Variants in BARX2 observed in about 807,000 individuals in gnomAD.
BARX2 encodes the protein BARX homeobox 2.
BARX2 carries 11 observed loss-of-function variants against 25.5 expected under a neutral mutation model. That is an observed-to-expected ratio of 0.43 (90% CI 0.27 to 0.71). The LOEUF (loss-of-function observed/expected upper bound fraction) is 0.71, where lower values mean the gene tolerates loss of function less well. Ranked by LOEUF, BARX2 falls within the 30% of genes least tolerant of loss-of-function variation. The pLI, the probability that BARX2 is intolerant of heterozygous loss-of-function variation, is 0.19. For synonymous variants in BARX2, 137 were observed against 149.5 expected, an observed-to-expected ratio of 0.92 and a Z score of 0.61; for missense variants, 360 against 359.9, an observed-to-expected ratio of 1.00 and a Z score of 0.00.
At chr11:129,434,798 T>G (rs1862170374) in intron 1 of BARX2, among the ~76,000 whole-genome samples, 1 of 152,196 alleles carries the variant, frequency 6.6e-6, no homozygotes, top group African/African-American at 2.4e-5. Context: ...TGTTTTATAC[T>G]CCCACCAACA....
Position 129,451,578 on chromosome 11 carries a change from ACTTG to A in BARX2, c.*181_*184del, listed in dbSNP as rs1862402288. The stretch of plus-strand genomic sequence containing the variant: ...TTGTCATCGCAAGCATTTGACAAAG[ACTTG>A]CTTGTCTTGGGCCTGTCACCTCCTG... On this transcript the variant is annotated 3_prime_UTR_variant, in exon 4 of 4. Coordinates refer to ENST00000281437, the MANE Select transcript of BARX2 (RefSeq NM_003658.5). 1 of 770,756 alleles carries A rather than the reference ACTTG, an allele frequency of 1.3e-6. No homozygotes were observed. Among genetic ancestry groups the A allele is most frequent in the Admixed American group, 3.0e-5 (1 of 33,748 alleles). 47.7% of individuals were successfully genotyped at this position (770,756 alleles called of 1,614,324 possible). A position where few individuals can be genotyped will look rare whatever the true frequency, so the allele number is the denominator to read the frequency against.
At position 129,376,513 on chromosome 11, in the gene BARX2, A is replaced by C. The variant is rs947463694; in HGVS notation, c.187+291A>C. On this transcript the variant is annotated intron_variant, in intron 1 of 3. Transcript: ENST00000281437. This position sits in a 1 kb window ranked among gnomAD's most constrained non-coding sequence, Gnocchi z 4.2. ...GAACGCTTCCTCGTTTCCTGCTGAAAGTTCAAACACTTGAGCAGGTTCAGC... is the reference window on the plus strand; with the variant it reads ...GAACGCTTCCTCGTTTCCTGCTGAACGTTCAAACACTTGAGCAGGTTCAGC... 5.3e-5 allele frequency among the ~76,000 whole-genome samples: 8 copies of C among 152,218 alleles called. No homozygotes were observed. Among genetic ancestry groups the C allele is most frequent in the Non-Finnish European group, 1.2e-4 (8 of 68,046 alleles).
chr11:129,439,909 A>G (rs1862236279), intron 2 of BARX2, among the ~76,000 whole-genome samples: 1 of 135,646 alleles, frequency 7.4e-6, no homozygotes, highest in Non-Finnish European at 1.6e-5. Context: ...CAGAAGTCAG[A>G]GAATTTTTTT....
intron 1 of BARX2, among the ~76,000 whole-genome samples, chr11:129,405,421 A>G (rs1055042039): frequency 6.6e-6 from 1 of 152,182 alleles, no homozygotes; most frequent in African/African-American, 2.4e-5. Flanking sequence ...TCACATAGGC[A>G]TGGGGCTCCA....
chr11:129,397,636 G>A (rs147746533), intron 1 of BARX2, among the ~76,000 whole-genome samples: 1 of 152,216 alleles, frequency 6.6e-6, no homozygotes, highest in East Asian at 1.9e-4. Context: ...TGTGAAGACT[G>A]CACAGATGAT....
intron 1 of BARX2, among the ~76,000 whole-genome samples, chr11:129,418,579 T>C (rs969850432): frequency 1.6e-4 from 24 of 152,242 alleles, no homozygotes; most frequent in African/African-American, 5.3e-4. Flanking sequence ...TTTTTTAGTG[T>C]ATACATTTCT....
At chr11:129,448,297 A>G (rs1591451254) in intron 3 of BARX2, among the ~76,000 whole-genome samples, 1 of 152,230 alleles carries the variant, frequency 6.6e-6, no homozygotes, top group Non-Finnish European at 1.5e-5. Context: ...GGCTTCCTCA[A>G]AATTTAAAAA....
chr11:129,436,650 C>A lies in BARX2; in HGVS notation c.188-101C>A. The stretch of plus-strand genomic sequence containing the variant: ...ATCTGTACCTCCTTAAGAGCAGGGC[C>A]CTCCCTGTCAGACAGACCTCAGCCA... On this transcript the variant is annotated intron_variant, in intron 1 of 3. Transcript: ENST00000281437. The surrounding 1 kb of genome is among the most constrained non-coding windows in gnomAD (Gnocchi z 4.5). 1 of 1,307,600 alleles carries A rather than the reference C, an allele frequency of 7.6e-7. No homozygotes were observed. The highest frequency in any genetic ancestry group is 1.0e-6 in the Non-Finnish European group (1 of 955,916). 81.0% of individuals were successfully genotyped at this position (1,307,600 alleles called of 1,614,324 possible).
chr11:129,394,168 C>G (rs945542767), intron 1 of BARX2, among the ~76,000 whole-genome samples: 3 of 152,104 alleles, frequency 2.0e-5, no homozygotes, highest in Non-Finnish European at 4.4e-5. Flanking sequence ...TTGTGACTTG[C>G]TTTTTTCTCA....
chr11:129,383,494 T>A (rs1861588436), intron 1 of BARX2, among the ~76,000 whole-genome samples: 1 of 152,194 alleles, frequency 6.6e-6, no homozygotes, highest in Admixed American at 6.5e-5. Context: ...TCTGGTTTCT[T>A]GAGTGCCAGT....
Position 129,451,353 on chromosome 11 carries a change from C to T in BARX2, c.791C>T (p.Pro264Leu), listed in dbSNP as rs146199848. The T allele has an allele frequency of 6.9e-5, 112 of 1,614,118 alleles. No individual in the cohort carries two copies. In the African/African-American group the frequency reaches 1.0e-3, roughly 14 times the overall value. ...TTAGAGATGGCAGAGCCACCAGACCCGCCCCAGGAGTTGCCAATACCCTCT... is the reference window on the plus strand; with the variant it reads ...TTAGAGATGGCAGAGCCACCAGACCTGCCCCAGGAGTTGCCAATACCCTCT... ...VPLEMAEPPDPPQELPIPSSE... is the reference protein window; with the variant it reads ...VPLEMAEPPDLPQELPIPSSE... The change falls in exon 4 of 4, where the codon CCG (proline) becomes CTG (leucine). Residue 264 changes from proline to leucine, a missense_variant. By Grantham distance (98) the Pro-to-Leu change is moderately conservative. This residue lies in a region of BARX2 where 114 missense variants were observed against 109.4 expected (regional missense o/e 1.04). Transcript: ENST00000281437.
At chr11:129,391,002 G>T (rs1011345640) in intron 1 of BARX2, among the ~76,000 whole-genome samples, 4 of 152,210 alleles carry the variant, frequency 2.6e-5, no homozygotes, top group Admixed American at 2.0e-4. Context: ...ATTCTGTGAT[G>T]TTTCAATACG....
chr11:129,386,095 C>T (rs925538979), intron 1 of BARX2, among the ~76,000 whole-genome samples: 1 of 152,214 alleles, frequency 6.6e-6, no homozygotes, highest in African/African-American at 2.4e-5. Context: ...AAGATAACTG[C>T]TGTTTCTCCA....
At chr11:129,420,046 G>A (rs1422659836) in intron 1 of BARX2, among the ~76,000 whole-genome samples, 1 of 152,048 alleles carries the variant, frequency 6.6e-6, no homozygotes, top group Non-Finnish European at 1.5e-5. Flanking sequence ...CTCCCAAAGT[G>A]CTGGGATGAG....
chr11:129,395,506 A>T (rs1341761172), intron 1 of BARX2, among the ~76,000 whole-genome samples: 1 of 152,170 alleles, frequency 6.6e-6, no homozygotes, highest in Non-Finnish European at 1.5e-5. Context: ...GTGGGCCGTG[A>T]GTTCCGTGCA....
chr11:129,376,283 C>T lies in BARX2; in HGVS notation c.187+61C>T, dbSNP rs1759291602. The T allele has an allele frequency of 1.4e-6, 2 of 1,433,518 alleles. No homozygotes were observed. Among genetic ancestry groups the T allele is most frequent in the South Asian group, 2.6e-5 (2 of 75,474 alleles). 88.8% of individuals were successfully genotyped at this position (1,433,518 alleles called of 1,614,324 possible). A position where few individuals can be genotyped will look rare whatever the true frequency, so the allele number is the denominator to read the frequency against. ...TAGCTTTCACGTCCGTGTAGGTGGCCTGTGCTTTGCGATCCGAGGGCGAGA... is the reference window on the plus strand; with the variant it reads ...TAGCTTTCACGTCCGTGTAGGTGGCTTGTGCTTTGCGATCCGAGGGCGAGA... On this transcript the variant is annotated intron_variant, in intron 1 of 3. Coordinates refer to ENST00000281437, the MANE Select transcript of BARX2 (RefSeq NM_003658.5). This position sits in a 1 kb window ranked among gnomAD's most constrained non-coding sequence, Gnocchi z 4.2.
intron 1 of BARX2, among the ~76,000 whole-genome samples, chr11:129,430,070 G>T (rs1862112220): frequency 2.0e-5 from 3 of 152,020 alleles, no homozygotes; most frequent in African/African-American, 7.3e-5. Flanking sequence ...GGCAGCCCTT[G>T]GGAAGGGTAG....
intron 1 of BARX2, among the ~76,000 whole-genome samples, chr11:129,423,671 A>G (rs6590385): frequency 0.42 from 64,520 of 151,994 alleles, 15,507 homozygotes; most frequent in African/African-American, 0.66. Flanking sequence ...GAGTAACCTC[A>G]TTGAATGTTT....
intron 1 of BARX2, among the ~76,000 whole-genome samples, chr11:129,420,394 C>G (rs1220076626): frequency 6.6e-6 from 1 of 152,210 alleles, no homozygotes; most frequent in Non-Finnish European, 1.5e-5. Flanking sequence ...GTGATGTGAA[C>G]AGAACACTCG....
Sources: allele counts gnomAD v4.1 joint callset (sites outside exome capture counted in the v4.1 genomes callset), GRCh38; gene constraint gnomAD v4.1.1; regional missense constraint gnomAD v4.1.1; non-coding constraint Gnocchi (gnomAD v3.1); transcripts MANE v1.5; gene names NCBI Gene and HGNC (gene_info 2026-07-23, HGNC 2026-07-21).